Variants in CEP170 observed in about 807,000 individuals in gnomAD.
CEP170 encodes the protein centrosomal protein of 170 kDa.
CEP170 carries 21 observed loss-of-function variants against 151.9 expected under a neutral mutation model. The observed-to-expected ratio is 0.14, with a 90% CI of 0.10 to 0.20. The LOEUF (loss-of-function observed/expected upper bound fraction) is 0.20, where lower values mean the gene tolerates loss of function less well. Ranked by LOEUF, CEP170 falls within the 10% of genes least tolerant of loss-of-function variation. The probability of loss-of-function intolerance (pLI) is 1.00; values close to 1 mark genes in which losing one functional copy is unlikely to be tolerated. For synonymous variants in CEP170, 356 were observed against 648.8 expected (o/e 0.55, Z 6.86); for missense variants, 964 against 1,892.9 (o/e 0.51, Z 9.11).
At chr1:243,158,399 A>G (rs2148482452) in intron 13 of CEP170, among the ~76,000 whole-genome samples, 1 of 152,350 alleles carries the variant, frequency 6.6e-6, no homozygotes, top group African/African-American at 2.4e-5. Context: ...AAGAAAAGCA[A>G]TTAACAAAGA....
chr1:243,131,684 C>G (rs1292389938), intron 17 of CEP170, among the ~76,000 whole-genome samples: 2 of 151,802 alleles, frequency 1.3e-5, no homozygotes, highest in East Asian at 3.9e-4. Context: ...CTATAATGAC[C>G]AGAACTTGTT....
At chr1:243,227,999 A>G (rs2063442488) in intron 1 of CEP170, among the ~76,000 whole-genome samples, 1 of 152,326 alleles carries the variant, frequency 6.6e-6, no homozygotes, top group African/African-American at 2.4e-5. Flanking sequence ...TTTCTTCTTC[A>G]GTAAAATAAG....
At chr1:243,178,724 CTT>C (rs1045037909) in intron 10 of CEP170, among the ~76,000 whole-genome samples, 7 of 144,670 alleles carry the variant, frequency 4.8e-5, no homozygotes, top group Non-Finnish European at 4.6e-5. Context: ...TCTTCTTCTT[CTT>C]TTTTTTTTTT....
At chr1:243,215,708 C>T (rs923124291) in intron 3 of CEP170, among the ~76,000 whole-genome samples, 13 of 152,126 alleles carry the variant, frequency 8.5e-5, no homozygotes, top group Non-Finnish European at 1.5e-4. Context: ...CCTGTGATCT[C>T]GCCCTGCCTC....
chr1:243,132,201 T>C (rs2054504547), intron 17 of CEP170, among the ~76,000 whole-genome samples: 1 of 152,232 alleles, frequency 6.6e-6, no homozygotes, highest in African/African-American at 2.4e-5. Flanking sequence ...ATTCTCAAAC[T>C]ACCCTGGCAC....
chr1:243,214,349 G>C (rs1240038627), intron 3 of CEP170, among the ~76,000 whole-genome samples: 1 of 138,234 alleles, frequency 7.2e-6, no homozygotes, highest in African/African-American at 2.6e-5. Context: ...GTAATGGCGT[G>C]ATCTCAGCTC....
At chr1:243,164,170 T>C in intron 13 of CEP170, 114 bp downstream of exon 13, 2 of 1,263,126 alleles carry the variant, frequency 1.6e-6, no homozygotes, top group South Asian at 3.5e-5. Context: ...TAACTTTTGT[T>C]TTGAATGAGT....
intron 10 of CEP170, among the ~76,000 whole-genome samples, chr1:243,182,425 CTT>C (rs2059679514): frequency 1.3e-5 from 2 of 152,000 alleles, no homozygotes; most frequent in Non-Finnish European, 1.5e-5. Flanking sequence ...GCCCAGGCCT[CTT>C]ACCTAAGATC....
chr1:243,162,183 TACTCCTG>T (rs1472747322), intron 13 of CEP170, among the ~76,000 whole-genome samples: 1 of 152,220 alleles, frequency 6.6e-6, no homozygotes, highest in African/African-American at 2.4e-5. Context: ...ACCTTGCATA[TACTCCTG>T]ATAATAATCC....
intron 16 of CEP170, among the ~76,000 whole-genome samples, chr1:243,136,537 T>A (rs912769811): frequency 1.1e-4 from 17 of 152,228 alleles, no homozygotes; most frequent in African/African-American, 4.1e-4. Context: ...TGATCCTGTC[T>A]CTCTTACTTC....
chr1:243,207,362 G>T (rs1422406448), intron 4 of CEP170, among the ~76,000 whole-genome samples: 1 of 152,256 alleles, frequency 6.6e-6, no homozygotes, highest in East Asian at 1.9e-4. Context: ...GGTTGTCTAT[G>T]CAACTAATAA....
chr1:243,160,993 A>G (rs1206652779), intron 13 of CEP170, among the ~76,000 whole-genome samples: 3 of 151,682 alleles, frequency 2.0e-5, no homozygotes, highest in African/African-American at 7.3e-5. Flanking sequence ...TTGCCAAAAT[A>G]AATCTGGATA....
chr1:243,143,471 T>A (rs1186495443), intron 14 of CEP170, among the ~76,000 whole-genome samples: 2 of 152,120 alleles, frequency 1.3e-5, no homozygotes, highest in East Asian at 1.9e-4. Flanking sequence ...CCTGTGATAA[T>A]CAAAGGTGAA....
At chr1:243,150,697 A>C (rs2056983666) in intron 14 of CEP170, among the ~76,000 whole-genome samples, 2 of 152,160 alleles carry the variant, frequency 1.3e-5, no homozygotes, top group South Asian at 4.1e-4. Flanking sequence ...GATCTACACA[A>C]AATTAAAAGC....
At chr1:243,251,932 C>G (rs1024634491) in intron 1 of CEP170, among the ~76,000 whole-genome samples, 1 of 152,116 alleles carries the variant, frequency 6.6e-6, no homozygotes, top group Non-Finnish European at 1.5e-5. Context: ...GACAATATAT[C>G]CAGTTTAATC....
rs1379918905 is a variant in CEP170, at chr1:243,199,199, A to G, written c.497-5T>C. 1.2e-6 allele frequency: 2 copies of G among 1,608,750 alleles called. No individual in the cohort carries two copies. The highest frequency in any genetic ancestry group is 2.2e-5 in the East Asian group (1 of 44,846). ...CACGGGGCATAGCAGAAATATCTGG[A>G]AAGAGGTGGGAAAAATCTGTCTAAA... is the stretch of plus-strand genomic sequence containing the variant. On this transcript the variant is annotated splice_polypyrimidine_tract_variant and splice_region_variant and intron_variant, in intron 6 of 19. Coordinates refer to ENST00000366542, the MANE Select transcript of CEP170 (RefSeq NM_014812.3).
At chr1:243,241,140 A>T (rs111651940) in intron 1 of CEP170, among the ~76,000 whole-genome samples, 16 of 152,368 alleles carry the variant, frequency 1.1e-4, no homozygotes, top group African/African-American at 3.6e-4. Context: ...GAACATAAAA[A>T]TGAAAAGTTA....
chr1:243,183,586 G>C (rs532765483), intron 10 of CEP170, among the ~76,000 whole-genome samples: 3 of 152,132 alleles, frequency 2.0e-5, no homozygotes, highest in African/African-American at 7.2e-5. Flanking sequence ...TAATTAGCCC[G>C]AATTTGGCTT....
chr1:243,200,128 A>G (rs988477441), intron 6 of CEP170, among the ~76,000 whole-genome samples: 5 of 151,922 alleles, frequency 3.3e-5, no homozygotes, highest in African/African-American at 1.2e-4. Flanking sequence ...ATTAGGTATT[A>G]TAAGTGATCT....
Sources: gnomAD v4.1 joint callset for allele counts (sites outside exome capture counted in the v4.1 genomes callset) on GRCh38, gnomAD v4.1.1 for gene constraint, MANE v1.5 for transcripts, NCBI Gene and HGNC (gene_info 2026-07-23, HGNC 2026-07-21) for gene names.